The following TYR variants were observed in gnomAD, a reference collection of about 807,000 sequenced individuals.
TYR encodes the protein tyrosinase.
TYR carries 58 observed loss-of-function variants against 51.5 expected under a neutral mutation model. That is an observed-to-expected ratio of 1.13 (90% CI 0.91 to 1.40). The LOEUF (loss-of-function observed/expected upper bound fraction) is 1.40, where lower values mean the gene tolerates loss of function less well. TYR is among the 40% of genes most tolerant of loss of function. The probability of loss-of-function intolerance (pLI) is 0.00; values close to 1 mark genes in which losing one functional copy is unlikely to be tolerated. For synonymous variants in TYR, 263 were observed against 235.2 expected, an observed-to-expected ratio of 1.12 and a Z score of -1.08; for missense variants, 732 against 647.4, an observed-to-expected ratio of 1.13 and a Z score of -1.42.
chr11:89,221,969 A>G (rs1266792383), intron 2 of TYR, among the ~76,000 whole-genome samples: 2 of 152,226 alleles, frequency 1.3e-5, no homozygotes, highest in East Asian at 1.9e-4. Context: ...ACGGAATTAT[A>G]TGAGATGATT....
At chr11:89,195,526 A>G (rs1463434541) in intron 2 of TYR, among the ~76,000 whole-genome samples, 2 of 152,020 alleles carry the variant, frequency 1.3e-5, no homozygotes, top group Non-Finnish European at 2.9e-5. Context: ...TAAAAATACA[A>G]AAATTAGCCA....
intron 3 of TYR, among the ~76,000 whole-genome samples, chr11:89,251,524 C>G (rs1467384926): frequency 6.6e-6 from 1 of 151,798 alleles, no homozygotes; most frequent in Non-Finnish European, 1.5e-5. Flanking sequence ...GTTGAATACT[C>G]AGGAAAGAAA....
chr11:89,230,650 T>G (rs1447354495), intron 3 of TYR, among the ~76,000 whole-genome samples: 1 of 152,010 alleles, frequency 6.6e-6, no homozygotes, highest in Admixed American at 6.6e-5. Flanking sequence ...GGGTTAATAT[T>G]CAAACTATAT....
intron 1 of TYR, among the ~76,000 whole-genome samples, chr11:89,190,019 G>A (rs922690805): frequency 6.6e-6 from 1 of 152,088 alleles, no homozygotes; most frequent in African/African-American, 2.4e-5. Context: ...TGTCTTCGTG[G>A]TGATGCTGGT....
At chr11:89,210,801 G>A (rs1010203637) in intron 2 of TYR, among the ~76,000 whole-genome samples, 5 of 152,160 alleles carry the variant, frequency 3.3e-5, no homozygotes, top group African/African-American at 7.2e-5. Context: ...TAGGAGAGTG[G>A]GGGTCAATAT....
intron 3 of TYR, among the ~76,000 whole-genome samples, chr11:89,238,787 A>G (rs1944155313): frequency 1.3e-5 from 2 of 152,108 alleles, no homozygotes; most frequent in Non-Finnish European, 2.9e-5. Context: ...TTTTGAGAGT[A>G]TTATCACAAA....
At position 89,247,279 on chromosome 11, in the gene TYR, A is replaced by G. The variant is rs192414770; in HGVS notation, c.1184+19309A>G. Among the ~76,000 whole-genome samples, 113 of 152,324 alleles carry G rather than the reference A, an allele frequency of 7.4e-4. 1 individual carries two copies. The highest frequency in any genetic ancestry group is 7.2e-4 in the Non-Finnish European group (49 of 68,032). On this transcript the variant is annotated intron_variant, in intron 3 of 4. Coordinates refer to ENST00000263321, the MANE Select transcript of TYR (RefSeq NM_000372.5). ...GTATCGATCATTTTTAGCACCTAGC[A>G]CAGAACCTAGCACATAGGAGACATT...
chr11:89,273,362 A>G (rs565227101), intron 3 of TYR, among the ~76,000 whole-genome samples: 1 of 151,792 alleles, frequency 6.6e-6, no homozygotes, highest in East Asian at 2.0e-4. Context: ...AGGGAGGAGG[A>G]CTGTTGGTGA....
intron 1 of TYR, among the ~76,000 whole-genome samples, chr11:89,183,057 A>G (rs905093740): frequency 8.5e-5 from 13 of 152,082 alleles, no homozygotes; most frequent in African/African-American, 2.7e-4. Context: ...TTCTTTATGA[A>G]AAAGATTTTG....
chr11:89,215,488 G>A (rs985323612), intron 2 of TYR, among the ~76,000 whole-genome samples: 6 of 152,002 alleles, frequency 3.9e-5, no homozygotes, highest in African/African-American at 1.5e-4. Flanking sequence ...CCTGCTCATT[G>A]TGTACATCTA....
At chr11:89,214,124 G>T (rs1242075711) in intron 2 of TYR, among the ~76,000 whole-genome samples, 1 of 152,148 alleles carries the variant, frequency 6.6e-6, no homozygotes, top group African/African-American at 2.4e-5. Context: ...GCCAGCAAAA[G>T]AAATATCAGA....
chr11:89,209,076 A>C (rs1200995733), intron 2 of TYR, among the ~76,000 whole-genome samples: 5 of 152,076 alleles, frequency 3.3e-5, no homozygotes, highest in Non-Finnish European at 1.5e-5. Flanking sequence ...GATTCATCTC[A>C]TTGGGACTGG....
At chr11:89,275,044 C>T (rs1231018718) in intron 3 of TYR, among the ~76,000 whole-genome samples, 2 of 151,820 alleles carry the variant, frequency 1.3e-5, no homozygotes, top group African/African-American at 4.8e-5. Flanking sequence ...GCTGTTGCCG[C>T]CTCATACCCT....
chr11:89,294,037 T>TA (rs538890535), intron 4 of TYR: 165 of 179,134 alleles, frequency 9.2e-4, no homozygotes, highest in South Asian at 2.6e-3. Flanking sequence ...AATTTTTTTT[T>TA]ACCAGGTTTT....
intron 4 of TYR, among the ~76,000 whole-genome samples, chr11:89,287,920 T>C (rs1363642245): frequency 2.0e-5 from 3 of 151,888 alleles, no homozygotes; most frequent in African/African-American, 7.3e-5. Context: ...GAAGGCAAAA[T>C]TTACAGAACT....
Position 89,193,258 on chromosome 11 carries a change from T to A in TYR, c.1036+1840T>A, listed in dbSNP as rs544005141. On this transcript the variant is annotated intron_variant, in intron 2 of 4. Coordinates refer to ENST00000263321, the MANE Select transcript of TYR (RefSeq NM_000372.5). ...CAGCCATAAGTGACAAAGCATATAT[T>A]TTATTATTAAGAAGCATGGGTTAGT... 3.3e-5 allele frequency among the ~76,000 whole-genome samples: 5 copies of A among 152,132 alleles called. No individual in the cohort carries two copies. The East Asian group carries it at 9.7e-4, about 29-fold the overall frequency.
chr11:89,190,778 T>C (rs1943432403), intron 1 of TYR, among the ~76,000 whole-genome samples: 3 of 152,118 alleles, frequency 2.0e-5, no homozygotes, highest in Admixed American at 6.6e-5. Context: ...GTGTCCTGTA[T>C]ATACAAGTAT....
intron 3 of TYR, among the ~76,000 whole-genome samples, chr11:89,246,905 T>C (rs895098298): frequency 4.6e-5 from 7 of 151,948 alleles, no homozygotes; most frequent in Non-Finnish European, 8.8e-5. Flanking sequence ...AATCTCAGGG[T>C]TATGGGGGTA....
Position 89,242,557 on chromosome 11 carries a change from T to C in TYR, c.1184+14587T>C, listed in dbSNP as rs973604653. On this transcript the variant is annotated intron_variant, in intron 3 of 4. Transcript: ENST00000263321. ...TAGACCTGCTAGTGTGGAAGGACTT[T>C]GGTGAAGGTGGTCATTTGGATCTTG... Among the ~76,000 whole-genome samples, 5 of 152,110 alleles carry C rather than the reference T, an allele frequency of 3.3e-5. No individual in the cohort carries two copies. The East Asian group carries it at 5.8e-4, about 18-fold the overall frequency.
Sources: gnomAD v4.1 joint callset for allele counts (sites outside exome capture counted in the v4.1 genomes callset) on GRCh38, gnomAD v4.1.1 for gene constraint, MANE v1.5 for transcripts, NCBI Gene and HGNC (gene_info 2026-07-23, HGNC 2026-07-21) for gene names.